Variants in TTC21A observed in about 807,000 individuals in gnomAD.
TTC21A encodes the protein tetratricopeptide repeat domain 21A.
In TTC21A, 128 loss-of-function variants were observed where a neutral mutation model predicts 156.4. That is an observed-to-expected ratio of 0.82 (90% CI 0.71 to 0.95). The LOEUF (loss-of-function observed/expected upper bound fraction) is 0.95, where lower values mean the gene tolerates loss of function less well. Ranked by LOEUF, TTC21A falls within the 40% of genes least tolerant of loss-of-function variation. The pLI is 0.00. For synonymous variants in TTC21A, 587 were observed against 617.1 expected (o/e 0.95, Z 0.72); for missense variants, 1,435 against 1,602.3 (o/e 0.90, Z 1.78).
In TTC21A at chr3:39,110,137, T is replaced by C. The variant is rs766717667; in HGVS notation, c.266T>C (p.Ile89Thr). ...TATGCTCACAAAAGATGTGAAATCATTGGTGAGTGCCACCATGCTCAACCA... is the reference window on the plus strand; with the variant it reads ...TATGCTCACAAAAGATGTGAAATCACTGGTGAGTGCCACCATGCTCAACCA... ...LIYAHKRCEI[I>T]DREAIQELEY... The change falls in exon 3 of 29, where the codon ATT (isoleucine) becomes ACT (threonine). Residue 89 changes from isoleucine (I) to threonine (T), a missense_variant and splice_region_variant. Coordinates refer to ENST00000683103, the MANE Select transcript of TTC21A (RefSeq NM_001366900.1). 8 of 1,611,774 alleles carry C rather than the reference T, an allele frequency of 5.0e-6. No individual in the cohort carries two copies. The highest frequency in any genetic ancestry group is 1.7e-4 in the Middle Eastern group (1 of 6,054).
Position 39,107,696 on chromosome 3 carries a change from T to C in TTC21A, c.-142T>C. The C allele has an allele frequency of 7.4e-7, 1 of 1,355,778 alleles. No homozygotes were observed. Among genetic ancestry groups the C allele is most frequent in the Non-Finnish European group, 1.0e-6 (1 of 967,458 alleles). The allele number at this position is 1,355,778 out of a possible 1,614,324, so 84.0% of individuals were successfully genotyped here. ...TCCCACTCCAGACACTGGACGCTCCTAGCAACCGGCTAGCAGCTCGGTTTC... is the reference window on the plus strand; with the variant it reads ...TCCCACTCCAGACACTGGACGCTCCCAGCAACCGGCTAGCAGCTCGGTTTC... On this transcript the variant is annotated 5_prime_UTR_variant, in exon 1 of 29. Coordinates refer to ENST00000683103, the MANE Select transcript of TTC21A (RefSeq NM_001366900.1).
At chr3:39,110,677 G>A (rs1260682251) in intron 3 of TTC21A, among the ~76,000 whole-genome samples, 174 bp from the exon 4 acceptor site, 2 of 152,338 alleles carry the variant, frequency 1.3e-5, no homozygotes, top group South Asian at 4.1e-4. Flanking sequence ...TCAAGGGCAG[G>A]TACTGCTGGT....
chr3:39,127,766 G>A (rs1351646620), intron 12 of TTC21A, among the ~76,000 whole-genome samples: 1 of 152,226 alleles, frequency 6.6e-6, no homozygotes, highest in African/African-American at 2.4e-5. Flanking sequence ...CTGAAGCTCA[G>A]GAACCCAATA....
chr3:39,123,817 G>T (rs1171946504), intron 9 of TTC21A, among the ~76,000 whole-genome samples: 1 of 151,728 alleles, frequency 6.6e-6, no homozygotes, highest in Non-Finnish European at 1.5e-5. Context: ...GCAACAAAGG[G>T]TTAATAAAAC....
rs189109319 is a variant in TTC21A at position 39,132,409 on chromosome 3, C to T, written c.2563-643C>T. On this transcript the variant is annotated intron_variant, in intron 19 of 28. Transcript: ENST00000683103. ...GTCATATCTTCCTCACGTTTTTCCC[C>T]CCAGGGGTGTGGCCTCAAACTTGTT... is the stretch of plus-strand genomic sequence containing the variant. Among the ~76,000 whole-genome samples, 21 of 152,308 alleles carry T rather than the reference C, an allele frequency of 1.4e-4. No homozygotes were observed. In the East Asian group the frequency reaches 2.9e-3, roughly 21 times the overall value.
At position 39,121,161 on chromosome 3, in the gene TTC21A, G is replaced by A. The variant is rs199538696; in HGVS notation, c.1065G>A (p.Leu355=). The change falls in exon 9 of 29, where the codon CTG becomes CTA. Residue 355 remains leucine (L), a synonymous_variant. Transcript: ENST00000683103. ...ALLWYSEAMK[L]DKDGMAGLTG... ...TGTGGTATTCAGAAGCCATGAAACT[G>A]GACAAGGATGGCATGGCTGGTTTGA... The A allele has an allele frequency of 7.9e-5, 127 of 1,613,746 alleles. No individual in the cohort carries two copies. The African/African-American group carries it at 9.2e-4, about 12-fold the overall frequency.
chr3:39,137,719 C>CCA lies in TTC21A; in HGVS notation c.3675+19_3675+20dup, dbSNP rs142898473. The CCA allele has an allele frequency of 2.2e-5, 35 of 1,607,090 alleles. No homozygotes were observed. Among genetic ancestry groups the CCA allele is most frequent in the Non-Finnish European group, 2.8e-5 (33 of 1,177,282 alleles). On this transcript the variant is annotated intron_variant, in intron 26 of 28. Transcript: ENST00000683103. ...GTGTGCAATACAACAAGGCAAGGAGCCACACACACACTAGGGCTGCGGGAT... is the reference window on the plus strand; with the variant it reads ...GTGTGCAATACAACAAGGCAAGGAGCCACACACACACACTAGGGCTGCGGGAT...
At position 39,136,399 on chromosome 3, in the gene TTC21A, G is replaced by A. The variant is rs772162050; in HGVS notation, c.2987G>A (p.Arg996Lys). ...CATAAATTAATCGATCTGCTAAGAA[G>A]AAGTGGAAAACTTGAAGACATTCCT... ...VLHKLIDLLR[R>K]SGKLEDIPAF... The change falls in exon 23 of 29, where the codon AGA (arginine) becomes AAA (lysine). Residue 996 changes from arginine to lysine, a missense_variant. Transcript: ENST00000683103. The A allele has an allele frequency of 1.2e-6, 2 of 1,614,136 alleles. No homozygotes were observed. Among genetic ancestry groups the A allele is most frequent in the Non-Finnish European group, 1.7e-6 (2 of 1,180,006 alleles).
Position 39,138,616 on chromosome 3 carries a change from G to C in TTC21A, c.3857G>C (p.Cys1286Ser). The change falls in exon 28 of 29, where the codon TGC becomes TCC. Residue 1286 changes from cysteine (C) to serine (S), a missense_variant. Cys to Ser is a moderately radical substitution (Grantham distance 112). Coordinates refer to ENST00000683103, the MANE Select transcript of TTC21A (RefSeq NM_001366900.1). The stretch of plus-strand genomic sequence containing the variant: ...AAATTTGTGGAGGCCATTGAAATCT[G>C]CAACGATGTAAGCCAGCAGCCTTGG... ...DKKFVEAIEI[C>S]NDVLREHPDY... 1 of 1,614,230 alleles carries C rather than the reference G, an allele frequency of 6.2e-7. No homozygotes were observed. The highest frequency in any genetic ancestry group is 8.5e-7 in the Non-Finnish European group (1 of 1,180,046).
At chr3:39,122,783 G>A (rs1057239295) in intron 9 of TTC21A, among the ~76,000 whole-genome samples, 2 of 152,222 alleles carry the variant, frequency 1.3e-5, no homozygotes, top group Admixed American at 1.3e-4. Flanking sequence ...CTTCCACCAG[G>A]TTGAGTCCTT....
At chr3:39,107,909 G>A (rs1559658360) in intron 1 of TTC21A, 45 bp downstream of exon 1, 1 of 1,607,108 alleles carries the variant, frequency 6.2e-7, no homozygotes, top group Non-Finnish European at 8.5e-7. Flanking sequence ...GTGACTCCCC[G>A]CCCCTGACCC....
intron 3 of TTC21A, 103 bp downstream of exon 3, chr3:39,110,242 C>T (rs1340336631): frequency 1.2e-6 from 1 of 853,962 alleles, no homozygotes; most frequent in East Asian, 2.5e-5. Context: ...AGGTATGTGC[C>T]CTGGTGGCTG....
intron 9 of TTC21A, among the ~76,000 whole-genome samples, chr3:39,122,248 T>A (rs985775014): frequency 4.6e-5 from 7 of 151,042 alleles, no homozygotes; most frequent in African/African-American, 1.7e-4. Context: ...GAGATGGAGG[T>A]TGATATGAGC....
At chr3:39,129,999 G>A in intron 15 of TTC21A, 80 bp from the exon 16 acceptor site, 1 of 1,354,536 alleles carries the variant, frequency 7.4e-7, no homozygotes, top group East Asian at 2.3e-5. Flanking sequence ...GAATCAGTGG[G>A]AAGGAAGTGA....
chr3:39,136,520 T>C lies in TTC21A; in HGVS notation c.3095+13T>C, dbSNP rs758347025. ...GTATCTACTGCTGGTGAGTTGGGTG[T>C]GGTGTGTTGAGGGGCAGCTGTGTGC... On this transcript the variant is annotated intron_variant, in intron 23 of 28. Transcript: ENST00000683103. 1.2e-6 allele frequency: 2 copies of C among 1,613,346 alleles called. No individual in the cohort carries two copies. The highest frequency in any genetic ancestry group is 3.3e-5 in the Admixed American group (2 of 59,950).
chr3:39,137,084 C>CG, intron 24 of TTC21A, 24 bp downstream of exon 24: 2 of 1,607,850 alleles, frequency 1.2e-6, no homozygotes, highest in Non-Finnish European at 1.7e-6. Context: ...GAGGCAGGGG[C>CG]GGAACCCTGG....
chr3:39,137,816 C>A, intron 26 of TTC21A, 106 bp downstream of exon 26: 1 of 1,249,192 alleles, frequency 8.0e-7, no homozygotes, highest in Non-Finnish European at 1.1e-6. Context: ...GGAATAAGAA[C>A]TAGTCGGGAA....
chr3:39,137,375 A>G lies in TTC21A; in HGVS notation c.3438A>G (p.Ile1146Met). 4 of 1,613,118 alleles carry G rather than the reference A, an allele frequency of 2.5e-6. No homozygotes were observed. Among genetic ancestry groups the G allele is most frequent in the Non-Finnish European group, 3.4e-6 (4 of 1,179,398 alleles). The change falls in exon 25 of 29, where the codon ATA (isoleucine) becomes ATG (methionine). Residue 1146 changes from isoleucine (I) to methionine (M), a missense_variant. Ile to Met is a conservative substitution (Grantham distance 10). Transcript: ENST00000683103. ...CTGCGCTGGGCAGCTTCATCCAGAT[A>G]GCGCAGGCTGAGGTGTGGCTGGTGG... ...MEAALGSFIQ[I>M]AQAEKDSVPA...
intron 6 of TTC21A, among the ~76,000 whole-genome samples, chr3:39,116,487 T>TC (rs2037299902): frequency 6.8e-6 from 1 of 147,648 alleles, no homozygotes; most frequent in African/African-American, 2.6e-5. Flanking sequence ...CCCCCCCCTT[T>TC]TTTTGGGGGG....
Sources: gnomAD v4.1 joint callset for allele counts (sites outside exome capture counted in the v4.1 genomes callset) on GRCh38, gnomAD v4.1.1 for gene constraint, MANE v1.5 for transcripts, NCBI Gene and HGNC (gene_info 2026-07-23, HGNC 2026-07-21) for gene names.